FLNB: variants seen among roughly 807,000 people sequenced by gnomAD.
FLNB encodes filamin B, also known as filamin-B.
In FLNB, 111 loss-of-function variants were observed where a neutral mutation model predicts 250.6. The ratio of observed to expected loss-of-function variants is 0.44; its 90% confidence interval spans 0.38 to 0.52. FLNB has a LOEUF of 0.52. Among genes scored for constraint, FLNB ranks in the 20% least tolerant of loss-of-function variants. The pLI, the probability that FLNB is intolerant of heterozygous loss-of-function variation, is 0.00. For missense variants in FLNB, 2,869 were observed against 3,447.8 expected, an observed-to-expected ratio of 0.83 and a Z score of 4.20; for synonymous variants, 1,302 against 1,372.1, an observed-to-expected ratio of 0.95 and a Z score of 1.13.
chr3:58,168,153 C>A (rs771959841), intron 43 of FLNB, among the ~76,000 whole-genome samples: 14 of 152,246 alleles, frequency 9.2e-5, no homozygotes, highest in Non-Finnish European at 1.8e-4. Context: ...TTGCCCTCAG[C>A]CACAATGGCT....
chr3:58,076,611 T>G lies in FLNB; in HGVS notation c.293-435T>G, dbSNP rs576643765. Among the ~76,000 whole-genome samples the G allele has an allele frequency of 4.0e-5, 6 of 151,890 alleles. No homozygotes were observed. The South Asian group carries it at 1.3e-3, about 32-fold the overall frequency. On this transcript the variant is annotated intron_variant, in intron 1 of 45. Coordinates refer to ENST00000295956, the MANE Select transcript of FLNB (RefSeq NM_001457.4). ...CTGGGACTACAGGAGTGAGCCACCA[T>G]GCTCGGCTAATTTTTTTTTTTTTTT...
At chr3:58,106,935 C>G (rs943796909) in intron 12 of FLNB, 62 bp downstream of exon 12, 2 of 1,424,216 alleles carry the variant, frequency 1.4e-6, no homozygotes, top group Non-Finnish European at 2.0e-6. Flanking sequence ...ACCCCCATGC[C>G]CGAAGTTGCC....
At position 58,148,194 on chromosome 3, in the gene FLNB, G is replaced by T. The variant is rs1323812078; in HGVS notation, c.5729-12G>T. On this transcript the variant is annotated splice_polypyrimidine_tract_variant and intron_variant, in intron 34 of 45. Coordinates refer to ENST00000295956, the MANE Select transcript of FLNB (RefSeq NM_001457.4). ...CATGTAACGGGAGTCCTTTTTGGGGGATGTTTCCCAGATGACAGCAGGCGG... is the reference window on the plus strand; with the variant it reads ...CATGTAACGGGAGTCCTTTTTGGGGTATGTTTCCCAGATGACAGCAGGCGG... 1.9e-6 allele frequency: 3 copies of T among 1,614,074 alleles called. No homozygotes were observed. The highest frequency in any genetic ancestry group is 1.3e-5 in the African/African-American group (1 of 74,944).
intron 1 of FLNB, among the ~76,000 whole-genome samples, chr3:58,041,252 A>G (rs1203867568): frequency 6.6e-6 from 1 of 152,194 alleles, no homozygotes; most frequent in Non-Finnish European, 1.5e-5. Context: ...TGATATTACA[A>G]TGAGCTTGCA....
At chr3:58,124,192 AT>A (rs1354326668) in intron 21 of FLNB, 139 bp from the exon 22 acceptor site, 6 of 858,236 alleles carry the variant, frequency 7.0e-6, no homozygotes, top group Non-Finnish European at 1.2e-5. Flanking sequence ...AATATTCTTG[AT>A]TTGAGAGTTA....
rs774768633 is a variant in FLNB at position 58,150,184 on chromosome 3, G to A, written c.6324G>A (p.Val2108=). The change falls in exon 38 of 46, where the codon GTG becomes GTA. Residue 2108 remains valine, a synonymous_variant. Coordinates refer to ENST00000295956, the MANE Select transcript of FLNB (RefSeq NM_001457.4). ...SITRTSRAPS[V]ATVGSICDLN... is the part of the protein sequence containing the mutation. ...CCCGCACCAGTCGGGCCCCGTCCGT[G>A]GCCACTGTCGGGAGCATTTGTGACC... The A allele has an allele frequency of 6.2e-7, 1 of 1,614,216 alleles. No individual in the cohort carries two copies. The highest frequency in any genetic ancestry group is 8.5e-7 in the Non-Finnish European group (1 of 1,180,040).
intron 10 of FLNB, among the ~76,000 whole-genome samples, chr3:58,104,342 A>G (rs1051016044): frequency 1.3e-5 from 2 of 152,146 alleles, no homozygotes; most frequent in Non-Finnish European, 2.9e-5. Context: ...CAGAAGGAGC[A>G]GTTAGAGCAA....
intron 1 of FLNB, among the ~76,000 whole-genome samples, chr3:58,016,329 C>T (rs1247725086): frequency 6.6e-6 from 1 of 152,062 alleles, no homozygotes; most frequent in Non-Finnish European, 1.5e-5. Flanking sequence ...GCTGGGATTA[C>T]AGGCGTGAGC....
At position 58,159,695 on chromosome 3, in the gene FLNB, G is replaced by T; in HGVS notation, c.7021+9G>T. 2 of 1,612,510 alleles carry T rather than the reference G, an allele frequency of 1.2e-6. No homozygotes were observed. Among genetic ancestry groups the T allele is most frequent in the Non-Finnish European group, 1.7e-6 (2 of 1,180,000 alleles). ...GTCTGAGCTGGAGCCAGGTGAGCAG[G>T]AGGCCTGCTGGGGGGTCCCAGCACC... On this transcript the variant is annotated intron_variant, in intron 42 of 45. Transcript: ENST00000295956.
At chr3:58,136,408 G>A (rs1354967844) in intron 28 of FLNB, among the ~76,000 whole-genome samples, 1 of 152,176 alleles carries the variant, frequency 6.6e-6, no homozygotes, top group Non-Finnish European at 1.5e-5. Flanking sequence ...ATGAGGTCAG[G>A]CATGAAAAAT....
At chr3:58,098,229 C>G (rs2097242508) in intron 7 of FLNB, among the ~76,000 whole-genome samples, 1 of 152,140 alleles carries the variant, frequency 6.6e-6, no homozygotes, top group Non-Finnish European at 1.5e-5. Context: ...ATAGAAAATG[C>G]AGAAGAAGGA....
intron 4 of FLNB, among the ~76,000 whole-genome samples, chr3:58,093,806 T>C (rs1450428552): frequency 6.6e-6 from 1 of 152,084 alleles, no homozygotes; most frequent in African/African-American, 2.4e-5. Flanking sequence ...AAAAAAACCA[T>C]TGACAGAAGC....
intron 1 of FLNB, among the ~76,000 whole-genome samples, chr3:58,063,951 C>CA: frequency 6.6e-6 from 1 of 151,910 alleles, no homozygotes; most frequent in South Asian, 2.1e-4. Flanking sequence ...ATATGAGGGA[C>CA]AAAAAGCCAA....
intron 4 of FLNB, among the ~76,000 whole-genome samples, chr3:58,094,284 T>A (rs2097233877): frequency 6.6e-6 from 1 of 152,140 alleles, no homozygotes; most frequent in Admixed American, 6.5e-5. Flanking sequence ...GCCAGGCTGG[T>A]CTTGAACGCC....
At chr3:58,017,913 CTCCCTTTCCCCA>C (rs1246189655) in intron 1 of FLNB, among the ~76,000 whole-genome samples, 1 of 152,184 alleles carries the variant, frequency 6.6e-6, no homozygotes, top group Non-Finnish European at 1.5e-5. Context: ...CGCTGACTCT[CTCCCTTTCCCCA>C]TTATCAAAAT....
chr3:58,161,533 C>A (rs1017580308), intron 42 of FLNB, among the ~76,000 whole-genome samples: 1 of 152,152 alleles, frequency 6.6e-6, no homozygotes. Flanking sequence ...AGGATTTGAA[C>A]CCCTACAGAT....
At chr3:58,133,004 C>T (rs752717136) in intron 26 of FLNB, 73 bp downstream of exon 26, 4 of 1,490,292 alleles carry the variant, frequency 2.7e-6, no homozygotes, top group South Asian at 2.6e-5. Context: ...TCCATCAGTC[C>T]ATCCACCCAT....
chr3:58,009,578 A>G (rs1478300837), intron 1 of FLNB, among the ~76,000 whole-genome samples: 1 of 152,072 alleles, frequency 6.6e-6, no homozygotes, highest in African/African-American at 2.4e-5. Context: ...GAGCCCAACT[A>G]GCGTCCACTG....
intron 24 of FLNB, among the ~76,000 whole-genome samples, chr3:58,129,041 AACAGTCGGCT>A (rs2107196736): frequency 6.6e-6 from 1 of 152,282 alleles, no homozygotes; most frequent in South Asian, 2.1e-4. Context: ...ACTGCCGGGA[AACAGTCGGCT>A]ACCTGCCACC....
Sources: allele counts gnomAD v4.1 joint callset (sites outside exome capture counted in the v4.1 genomes callset), GRCh38; gene constraint gnomAD v4.1.1; transcripts MANE v1.5; gene names NCBI Gene and HGNC (gene_info 2026-07-23, HGNC 2026-07-21).